Variants in GON4L observed in about 807,000 individuals in gnomAD.
GON4L encodes the protein gon-4 like.
In GON4L, 87 loss-of-function variants were observed where a neutral mutation model predicts 211.8. That is an observed-to-expected ratio of 0.41 (90% confidence interval 0.35 to 0.49). The LOEUF (loss-of-function observed/expected upper bound fraction) is 0.49. Among genes scored for constraint, GON4L ranks in the 20% least tolerant of loss-of-function variants. The pLI, the probability that GON4L is intolerant of heterozygous loss-of-function variation, is 0.15. For missense variants in GON4L, 2,155 were observed against 2,659.5 expected (o/e 0.81, Z 4.17); for synonymous variants, 875 against 962.6 (o/e 0.91, Z 1.68).
At chr1:155,749,482 G>C, downstream of GON4L, 1 of 1,465,252 alleles carries the variant, frequency 6.8e-7, no homozygotes, top group Non-Finnish European at 9.3e-7. Flanking sequence ...ACCCTCCCTT[G>C]ACTTCTTACG....
At chr1:155,747,040 C>T (rs1438266218), downstream of GON4L, 14 of 1,604,294 alleles carry the variant, frequency 8.7e-6, no homozygotes, top group African/African-American at 1.4e-5. Flanking sequence ...GGAGGCTATG[C>T]GGTGTGGCCA....
At chr1:155,834,952 C>G (rs992372171) in intron 2 of GON4L, among the ~76,000 whole-genome samples, 1 of 151,778 alleles carries the variant, frequency 6.6e-6, no homozygotes. Flanking sequence ...CCCCTCTGCC[C>G]GGCCACCACC....
chr1:155,810,156 C>T (rs970603794), intron 10 of GON4L, among the ~76,000 whole-genome samples: 27 of 150,598 alleles, frequency 1.8e-4, no homozygotes, highest in Non-Finnish European at 2.9e-4. Context: ...CCACAATGCC[C>T]AGCTAATTTT....
At chr1:155,807,739 T>C (rs994067505) in intron 10 of GON4L, among the ~76,000 whole-genome samples, 2 of 126,066 alleles carry the variant, frequency 1.6e-5, no homozygotes, top group Non-Finnish European at 1.7e-5. Flanking sequence ...AATCAGAAAG[T>C]GTGAGACCTC....
intron 10 of GON4L, among the ~76,000 whole-genome samples, chr1:155,811,754 C>CAAAAA (rs145360103): frequency 0.09 from 2,966 of 32,932 alleles, 492 homozygotes; most frequent in Non-Finnish European, 0.099. Flanking sequence ...GACTCTGTCT[C>CAAAAA]AAAAAAAAAA....
chr1:155,790,455 C>T lies in GON4L; in HGVS notation c.1747+4595G>A, dbSNP rs542728488. 8.6e-4 allele frequency among the ~76,000 whole-genome samples: 129 copies of T among 150,106 alleles called. 1 individual carries two copies. The highest frequency in any genetic ancestry group is 3.0e-3 in the African/African-American group (123 of 40,906). ...ATGGAATCTCAGTATGTCGCCCAGCCGATCTCAAACTCCTGTGCTCAAGCG... is the reference window on the plus strand; with the variant it reads ...ATGGAATCTCAGTATGTCGCCCAGCTGATCTCAAACTCCTGTGCTCAAGCG... On this transcript the variant is annotated intron_variant, in intron 12 of 31. Coordinates refer to ENST00000368331, the MANE Select transcript of GON4L (RefSeq NM_001282860.2).
chr1:155,845,543 C>T (rs1415455467), intron 2 of GON4L: 5 of 305,214 alleles, frequency 1.6e-5, no homozygotes, highest in Admixed American at 7.6e-5. Context: ...TTTTACAGTC[C>T]CTTTTAATGA....
intron 6 of GON4L, among the ~76,000 whole-genome samples, chr1:155,817,923 G>GAA (rs749238086): frequency 1.1e-3 from 79 of 74,208 alleles, no homozygotes; most frequent in African/African-American, 1.7e-3. Context: ...GCAAGTCACT[G>GAA]AAAAAAAAAA....
intron 2 of GON4L, among the ~76,000 whole-genome samples, chr1:155,843,912 C>T (rs540327917): frequency 6.6e-6 from 1 of 152,172 alleles, no homozygotes; most frequent in Admixed American, 6.5e-5. Flanking sequence ...AGAAATCCTA[C>T]CCCATACCCA....
chr1:155,757,767 A>G (rs1040873721), intron 25 of GON4L, 124 bp downstream of exon 25: 2 of 151,268 alleles, frequency 1.3e-5, no homozygotes, highest in African/African-American at 7.5e-5. Context: ...TGCCTTTTTC[A>G]TCTCCTCCAG....
chr1:155,848,760 ATTTC>A (rs1374636591), intron 2 of GON4L, among the ~76,000 whole-genome samples: 5 of 152,186 alleles, frequency 3.3e-5, no homozygotes, highest in African/African-American at 7.2e-5. Context: ...AGAACAAAGG[ATTTC>A]TTTGTCATTT....
chr1:155,836,784 T>C (rs1670358993), intron 2 of GON4L, among the ~76,000 whole-genome samples: 1 of 152,216 alleles, frequency 6.6e-6, no homozygotes, highest in African/African-American at 2.4e-5. Context: ...TCATTTTACT[T>C]TTCTGCTCTT....
chr1:155,758,672 A>G (rs1321704811), intron 24 of GON4L, among the ~76,000 whole-genome samples: 1 of 152,188 alleles, frequency 6.6e-6, no homozygotes, highest in Non-Finnish European at 1.5e-5. Context: ...TGAGGTCAAG[A>G]GTTCGAGACC....
At chr1:155,827,941 G>A (rs934567121) in intron 2 of GON4L, among the ~76,000 whole-genome samples, 1 of 152,076 alleles carries the variant, frequency 6.6e-6, no homozygotes, top group African/African-American at 2.4e-5. Flanking sequence ...CCAGGATCCA[G>A]GAGTTCGGGA....
In GON4L at chr1:155,784,066, G is replaced by A. The variant is rs781555604; in HGVS notation, c.1812C>T (p.Ser604=). 2.5e-6 allele frequency: 4 copies of A among 1,614,056 alleles called. No individual in the cohort carries two copies. The highest frequency in any genetic ancestry group is 1.7e-5 in the Admixed American group (1 of 59,992). The change falls in exon 14 of 32, where the codon TCC becomes TCT. Residue 604 remains serine (S), a synonymous_variant. Transcript: ENST00000368331. ...FETFQDEMGF[S]NMEDDGPEEE... is the part of the protein sequence containing the mutation. The stretch of plus-strand genomic sequence containing the variant: ...CTTCTGGGCCATCATCTTCCATGTT[G>A]GAGAATCCCATCTCATCTTGGAACT...
intron 5 of GON4L, 80 bp from the exon 6 acceptor site, chr1:155,820,736 C>T (rs1351715293): frequency 3.9e-6 from 4 of 1,027,704 alleles, no homozygotes; most frequent in East Asian, 4.8e-5. Flanking sequence ...AATCCTAGCA[C>T]TTTAGGGGCC....
intron 11 of GON4L, among the ~76,000 whole-genome samples, chr1:155,797,425 T>C (rs1433430512): frequency 3.3e-5 from 5 of 151,702 alleles, no homozygotes; most frequent in African/African-American, 1.2e-4. Context: ...GCCTCTTCCA[T>C]AATGTTTTAA....
intron 24 of GON4L, among the ~76,000 whole-genome samples, chr1:155,759,377 G>C (rs1661527930): frequency 6.6e-6 from 1 of 152,122 alleles, no homozygotes; most frequent in African/African-American, 2.4e-5. Flanking sequence ...TTCGAGACCA[G>C]CCTGACCAAC....
At chr1:155,784,853 C>G in intron 13 of GON4L, 1 of 254,648 alleles carries the variant, frequency 3.9e-6, no homozygotes, top group Non-Finnish European at 7.7e-6. Context: ...CTGGCTCACA[C>G]CTATAATTCC....
Sources: gnomAD v4.1 joint callset for allele counts (sites outside exome capture counted in the v4.1 genomes callset) on GRCh38, gnomAD v4.1.1 for gene constraint, MANE v1.5 for transcripts, NCBI Gene and HGNC (gene_info 2026-07-23, HGNC 2026-07-21) for gene names.